Variants in TNKS observed in about 807,000 individuals in gnomAD.
The protein encoded by TNKS is poly [ADP-ribose] polymerase tankyrase-1.
Under a neutral mutation model 135.8 loss-of-function variants are expected in TNKS, and 72 were observed. The ratio of observed to expected loss-of-function variants is 0.53; its 90% CI spans 0.44 to 0.64. The LOEUF (loss-of-function observed/expected upper bound fraction) is 0.64. TNKS is among the 30% of genes least tolerant of loss of function. The probability of loss-of-function intolerance (pLI) is 0.00; values close to 1 mark genes in which losing one functional copy is unlikely to be tolerated. For synonymous variants in TNKS, 849 were observed against 649.3 expected (o/e 1.31, Z -4.68); for missense variants, 1,769 against 1,674.0 (o/e 1.06, Z -0.99).
At chr8:9,679,744 C>G (rs2128796834) in intron 3 of TNKS, 1 of 514,150 alleles carries the variant, frequency 1.9e-6, no homozygotes, top group African/African-American at 1.9e-5. Flanking sequence ...GAGGATTGGA[C>G]AAGAAGCTGC....
At position 9,556,013 on chromosome 8, in the gene TNKS, C is replaced by A; in HGVS notation, c.74C>A (p.Ser25Ter). Residue 25 changes from serine to a stop codon, truncating the protein, a stop_gained, in exon 1 of 27, where the codon TCA becomes TAA. Coordinates refer to ENST00000310430, the MANE Select transcript of TNKS (RefSeq NM_003747.3). LOFTEE classifies it high-confidence loss of function. ...QQQLQPAPGA[S>*]APPPPPPPPL... is the part of the protein sequence containing the mutation. ...CAGCTCCAGCCCGCCCCAGGGGCTT[C>A]AGCGCCGCCGCCGCCACCTCCTCCC... 6.2e-7 allele frequency: 1 copy of A among 1,612,926 alleles called. No individual in the cohort carries two copies.
At chr8:9,707,132 C>G in intron 8 of TNKS, 135 bp downstream of exon 8, 1 of 757,700 alleles carries the variant, frequency 1.3e-6, no homozygotes, top group Non-Finnish European at 2.0e-6. Flanking sequence ...TAATTGTATA[C>G]TTTTCTTCAT....
intron 3 of TNKS, among the ~76,000 whole-genome samples, chr8:9,668,279 T>C (rs1438836257): frequency 3.3e-5 from 5 of 152,212 alleles, no homozygotes; most frequent in Admixed American, 1.3e-4. Context: ...GAAATGATGG[T>C]TCCTAACCTT....
In TNKS at chr8:9,782,118, A is replaced by G. The variant is rs1042576822; in HGVS notation, c.*5382A>G. 1.3e-5 allele frequency: 2 copies of G among 152,494 alleles called. No individual in the cohort carries two copies. Among genetic ancestry groups the G allele is most frequent in the Non-Finnish European group, 2.9e-5 (2 of 68,036 alleles). The allele number at this position is 152,494 out of a possible 1,614,324, so 9.4% of individuals were successfully genotyped here. On this transcript the variant is annotated 3_prime_UTR_variant, in exon 27 of 27. Transcript: ENST00000310430. Reference sequence around the variant, plus strand: ...GTGGTCATGGGAAATCACCTACAGCATGTTAAAGTCCTCTAGTCATCATCT... The same window carrying G: ...GTGGTCATGGGAAATCACCTACAGCGTGTTAAAGTCCTCTAGTCATCATCT...
At chr8:9,621,074 AT>A (rs1799849384) in intron 3 of TNKS, among the ~76,000 whole-genome samples, 1 of 152,260 alleles carries the variant, frequency 6.6e-6, no homozygotes, top group African/African-American at 2.4e-5. Context: ...GTTTTAATAA[AT>A]TTTTAGCTTC....
intron 21 of TNKS, among the ~76,000 whole-genome samples, chr8:9,762,191 G>C (rs543970545): frequency 1.3e-5 from 2 of 151,286 alleles, no homozygotes; most frequent in East Asian, 1.9e-4. Flanking sequence ...ATTGTACTTT[G>C]CCGTTACAAG....
At chr8:9,746,509 C>T (rs1806243341) in intron 17 of TNKS, among the ~76,000 whole-genome samples, 1 of 152,114 alleles carries the variant, frequency 6.6e-6, no homozygotes, top group Non-Finnish European at 1.5e-5. Flanking sequence ...CCTTTTGTCT[C>T]CTCTGAGGAT....
rs147931705 is a variant in TNKS, at chr8:9,726,824, G to A, written c.2001+104G>A. The A allele has an allele frequency of 9.0e-5, 82 of 915,030 alleles. No homozygotes were observed. In the East Asian group the frequency reaches 1.7e-3, roughly 19 times the overall value. 56.7% of individuals were successfully genotyped at this position (915,030 alleles called of 1,614,324 possible). ...CTACTCAAATACAAACAGTAAAAAGGATGAACAGAGTCATGGGCAGGAAAA... is the reference window on the plus strand; with the variant it reads ...CTACTCAAATACAAACAGTAAAAAGAATGAACAGAGTCATGGGCAGGAAAA... On this transcript the variant is annotated intron_variant, in intron 13 of 26. Transcript: ENST00000310430.
intron 3 of TNKS, among the ~76,000 whole-genome samples, chr8:9,676,893 T>C (rs1802564763): frequency 6.6e-6 from 1 of 152,240 alleles, no homozygotes; most frequent in Non-Finnish European, 1.5e-5. Context: ...ATCTTGACTA[T>C]AATTGCCTAG....
intron 2 of TNKS, among the ~76,000 whole-genome samples, chr8:9,591,005 C>T (rs1239610767): frequency 6.6e-6 from 1 of 152,174 alleles, no homozygotes; most frequent in Non-Finnish European, 1.5e-5. Flanking sequence ...CATGATTTAA[C>T]TCTGTTGTCA....
intron 3 of TNKS, among the ~76,000 whole-genome samples, chr8:9,662,305 T>C (rs1203140148): frequency 6.6e-6 from 1 of 152,224 alleles, no homozygotes; most frequent in South Asian, 2.1e-4. Context: ...TGTATGTTTA[T>C]TGCGGCACTA....
chr8:9,712,517 A>G (rs2128809912), intron 11 of TNKS, among the ~76,000 whole-genome samples: 1 of 152,238 alleles, frequency 6.6e-6, no homozygotes, highest in South Asian at 2.1e-4. Context: ...TAAACCCTCA[A>G]ATTCCTAATA....
chr8:9,579,810 G>A (rs1193959292), intron 1 of TNKS, among the ~76,000 whole-genome samples: 1 of 152,170 alleles, frequency 6.6e-6, no homozygotes, highest in Admixed American at 6.5e-5. Flanking sequence ...ATGTAGTGAT[G>A]AGTTTCTATA....
At chr8:9,731,477 A>C (rs969287528) in intron 14 of TNKS, among the ~76,000 whole-genome samples, 2 of 149,596 alleles carry the variant, frequency 1.3e-5, no homozygotes, top group African/African-American at 2.5e-5. Context: ...AAAAAAAAAA[A>C]AAAAAAACAT....
chr8:9,667,969 A>G (rs372044343), intron 3 of TNKS, among the ~76,000 whole-genome samples: 5 of 152,046 alleles, frequency 3.3e-5, no homozygotes, highest in African/African-American at 1.2e-4. Flanking sequence ...TGATACAGAT[A>G]ACAGAAATCT....
intron 21 of TNKS, among the ~76,000 whole-genome samples, 160 bp from the exon 22 acceptor site, chr8:9,762,987 T>TTAAAG (rs1315986198): frequency 6.6e-6 from 1 of 151,886 alleles, no homozygotes; most frequent in Non-Finnish European, 1.5e-5. Flanking sequence ...GTATATTTGT[T>TTAAAG]TAAAGTAACC....
At chr8:9,724,048 G>C (rs751913816) in intron 12 of TNKS, among the ~76,000 whole-genome samples, 12 of 152,082 alleles carry the variant, frequency 7.9e-5, no homozygotes, top group Non-Finnish European at 1.3e-4. Context: ...TTAAAAATAG[G>C]CTGCTTCCTA....
At chr8:9,720,321 A>C (rs918952556) in intron 11 of TNKS, 53 bp from the exon 12 acceptor site, 1 of 1,474,400 alleles carries the variant, frequency 6.8e-7, no homozygotes, top group Non-Finnish European at 9.1e-7. Context: ...TAAGGTATAA[A>C]AGGAAACTAA....
intron 1 of TNKS, among the ~76,000 whole-genome samples, chr8:9,571,746 G>T (rs1293675797): frequency 6.6e-6 from 1 of 152,154 alleles, no homozygotes. Context: ...TCACAGACGT[G>T]AGCCACCGCG....
Sources: gnomAD v4.1 joint callset for allele counts (sites outside exome capture counted in the v4.1 genomes callset) on GRCh38, gnomAD v4.1.1 for gene constraint, MANE v1.5 for transcripts, NCBI Gene and HGNC (gene_info 2026-07-23, HGNC 2026-07-21) for gene names.